Variants in TCF12 observed in about 807,000 individuals in gnomAD.
The protein encoded by TCF12 is transcription factor 12.
TCF12 carries 45 observed loss-of-function variants against 86.0 expected under a neutral mutation model. That is an observed-to-expected ratio of 0.52 (90% CI 0.41 to 0.67). The LOEUF (loss-of-function observed/expected upper bound fraction) is 0.67. Among genes scored for constraint, TCF12 ranks in the 30% least tolerant of loss-of-function variants. TCF12 has a pLI of 0.00. For synonymous variants in TCF12, 330 were observed against 299.6 expected (o/e 1.10, Z -1.05); for missense variants, 881 against 859.9 (o/e 1.02, Z -0.31).
intron 19 of TCF12, 60 bp from the exon 20 acceptor site, chr15:57,282,385 C>T: frequency 6.3e-7 from 1 of 1,599,674 alleles, no homozygotes; most frequent in Non-Finnish European, 8.6e-7. Flanking sequence ...ATTTGTTCAG[C>T]TTGAGACCTA....
intron 3 of TCF12, among the ~76,000 whole-genome samples, chr15:56,956,916 C>T (rs1642925): frequency 0.18 from 26,824 of 151,954 alleles, 2,811 homozygotes; most frequent in Non-Finnish European, 0.23. Flanking sequence ...GCTATGGTTT[C>T]AATGTTCCAT....
intron 4 of TCF12, among the ~76,000 whole-genome samples, chr15:57,090,817 T>G (rs760540828): frequency 1.3e-5 from 2 of 152,184 alleles, no homozygotes; most frequent in Non-Finnish European, 2.9e-5. Context: ...TTGGCAGAGA[T>G]ATATATGACC....
At chr15:57,061,706 TTTCATCAGGACAAGA>T (rs1332649807) in intron 3 of TCF12, among the ~76,000 whole-genome samples, 1 of 152,232 alleles carries the variant, frequency 6.6e-6, no homozygotes, top group Non-Finnish European at 1.5e-5. Flanking sequence ...GTTTGATTAT[TTTCATCAGGACAAGA>T]TTCATCGAAA....
At chr15:57,278,025 G>T (rs1480973300) in intron 19 of TCF12, among the ~76,000 whole-genome samples, 1 of 151,430 alleles carries the variant, frequency 6.6e-6, no homozygotes, top group Non-Finnish European at 1.5e-5. Flanking sequence ...TAGAGACAGG[G>T]TTTCACTGTA....
intron 5 of TCF12, among the ~76,000 whole-genome samples, chr15:57,162,646 C>T (rs1384888178): frequency 6.6e-6 from 1 of 152,046 alleles, no homozygotes; most frequent in Non-Finnish European, 1.5e-5. Flanking sequence ...ATTCAATGTC[C>T]TTTATGAAAG....
chr15:57,110,633 C>A (rs1390633696), intron 5 of TCF12, among the ~76,000 whole-genome samples: 1 of 152,152 alleles, frequency 6.6e-6, no homozygotes, highest in Non-Finnish European at 1.5e-5. Flanking sequence ...ATGAAGGCTG[C>A]TGCTTTCTGT....
chr15:57,163,514 A>G (rs1393570419), intron 5 of TCF12, among the ~76,000 whole-genome samples: 2 of 152,042 alleles, frequency 1.3e-5, no homozygotes, highest in East Asian at 1.9e-4. Flanking sequence ...AGCCTAGGCC[A>G]TACTATGAGA....
intron 3 of TCF12, among the ~76,000 whole-genome samples, chr15:56,924,804 G>C (rs1208796500): frequency 6.6e-6 from 1 of 152,160 alleles, no homozygotes; most frequent in Non-Finnish European, 1.5e-5. Context: ...GAGTCTTTTA[G>C]AGAAAACCTG....
At chr15:56,962,909 T>C (rs2061832443) in intron 3 of TCF12, among the ~76,000 whole-genome samples, 2 of 152,182 alleles carry the variant, frequency 1.3e-5, no homozygotes, top group Non-Finnish European at 1.5e-5. Context: ...GTGTCTAGAC[T>C]GTTGATTTGA....
intron 3 of TCF12, among the ~76,000 whole-genome samples, chr15:56,930,060 A>C (rs545325875): frequency 6.6e-6 from 1 of 152,170 alleles, no homozygotes. Context: ...TCATCACTTC[A>C]TTGGTAGCTG....
chr15:57,253,149 G>A (rs1429046599), intron 15 of TCF12, 113 bp from the exon 16 acceptor site: 5 of 1,145,410 alleles, frequency 4.4e-6, no homozygotes, highest in Non-Finnish European at 3.8e-6. Flanking sequence ...GAAGCTACTT[G>A]ATACTGCATT....
chr15:56,958,676 A>AGTGTGTGTGTGT (rs1324930525), intron 3 of TCF12, among the ~76,000 whole-genome samples: 30 of 92,588 alleles, frequency 3.2e-4, no homozygotes, highest in South Asian at 8.3e-4. Context: ...AGAGAGAGAG[A>AGTGTGTGTGTGT]GAGTGTGTGT....
At chr15:56,939,707 A>G (rs184028139) in intron 3 of TCF12, among the ~76,000 whole-genome samples, 1 of 151,144 alleles carries the variant, frequency 6.6e-6, no homozygotes, top group South Asian at 2.1e-4. Context: ...ACATTCCCCA[A>G]ATTGCATTTT....
At chr15:56,997,222 A>C (rs568068605) in intron 3 of TCF12, among the ~76,000 whole-genome samples, 12 of 152,242 alleles carry the variant, frequency 7.9e-5, no homozygotes, top group Admixed American at 3.3e-4. Context: ...TGGAATCAAC[A>C]CATGTGCCTA....
In TCF12 at chr15:57,282,442, T is replaced by TA. The variant is rs1185120825; in HGVS notation, c.1979-2dup. 1 of 1,614,144 alleles carries TA rather than the reference T, an allele frequency of 6.2e-7. No homozygotes were observed. The highest frequency in any genetic ancestry group is 2.2e-5 in the East Asian group (1 of 44,882). ...TGATAAAAATTCTTTCCCCCTGTTT[T>TA]AGAGAGGAACCTTAACCCCAAAGCA... is the stretch of plus-strand genomic sequence containing the variant. On this transcript the variant is annotated splice_polypyrimidine_tract_variant and splice_region_variant and intron_variant, in intron 19 of 20. Coordinates refer to ENST00000333725, the MANE Select transcript of TCF12 (RefSeq NM_207037.2).
intron 4 of TCF12, among the ~76,000 whole-genome samples, chr15:57,071,354 T>G (rs73413357): frequency 6.7e-6 from 1 of 150,292 alleles, no homozygotes; most frequent in African/African-American, 2.4e-5. Flanking sequence ...GAGGTTGTAG[T>G]GAAGAAAAAA....
At chr15:57,230,541 A>G (rs2059088532) in intron 8 of TCF12, among the ~76,000 whole-genome samples, 1 of 152,106 alleles carries the variant, frequency 6.6e-6, no homozygotes, top group Non-Finnish European at 1.5e-5. Context: ...TACTGCTCTA[A>G]CAAATTAAAT....
chr15:57,091,785 C>G lies in TCF12; in HGVS notation c.223-4C>G. The G allele has an allele frequency of 6.2e-7, 1 of 1,611,902 alleles. No homozygotes were observed. Among genetic ancestry groups the G allele is most frequent in the Admixed American group, 1.7e-5 (1 of 59,960 alleles). ...TTAATACTCTGATCTTTTTCTCCCC[C>G]TAGGGTTTTACAGACAGCCCTCATT... On this transcript the variant is annotated splice_polypyrimidine_tract_variant and splice_region_variant and intron_variant, in intron 4 of 20. Coordinates refer to ENST00000333725, the MANE Select transcript of TCF12 (RefSeq NM_207037.2).
intron 4 of TCF12, among the ~76,000 whole-genome samples, chr15:57,082,355 A>C (rs2048367507): frequency 2.0e-5 from 3 of 152,172 alleles, no homozygotes; most frequent in Admixed American, 6.5e-5. Flanking sequence ...ACAAACTAAA[A>C]ATATATGGTA....
Sources: gnomAD v4.1 joint callset for allele counts (sites outside exome capture counted in the v4.1 genomes callset) on GRCh38, gnomAD v4.1.1 for gene constraint, MANE v1.5 for transcripts, NCBI Gene and HGNC (gene_info 2026-07-23, HGNC 2026-07-21) for gene names.